TCERG1L: variants seen among roughly 807,000 people sequenced by gnomAD.
The protein encoded by TCERG1L is transcription elongation regulator 1 like, also known as transcription elongation regulator 1-like protein.
Under a neutral mutation model 56.3 loss-of-function variants are expected in TCERG1L, and 37 were observed. The observed-to-expected ratio is 0.66, with a 90% CI of 0.51 to 0.87. TCERG1L has a LOEUF of 0.87. Among genes scored for constraint, TCERG1L ranks in the 40% least tolerant of loss-of-function variants. The pLI, the probability that TCERG1L is intolerant of heterozygous loss-of-function variation, is 0.00. For missense variants in TCERG1L, 799 were observed against 774.2 expected (o/e 1.03, Z -0.38); for synonymous variants, 324 against 326.3 (o/e 0.99, Z 0.08).
intron 4 of TCERG1L, among the ~76,000 whole-genome samples, chr10:131,208,002 G>C (rs544276947): frequency 1.3e-5 from 2 of 152,116 alleles, no homozygotes; most frequent in African/African-American, 2.4e-5. Context: ...CTTCCACAAT[G>C]AGCCAACCCA....
chr10:131,288,144 C>T (rs147415171), intron 3 of TCERG1L, among the ~76,000 whole-genome samples: 46 of 152,310 alleles, frequency 3.0e-4, no homozygotes, highest in African/African-American at 9.4e-4. Flanking sequence ...CACAAGCCTG[C>T]CAGTCTCTGA....
intron 7 of TCERG1L, among the ~76,000 whole-genome samples, chr10:131,143,989 T>C (rs1344796010): frequency 6.6e-6 from 1 of 152,182 alleles, no homozygotes; most frequent in East Asian, 1.9e-4. Context: ...CTGGAGGCGC[T>C]GCCTCCTGTC....
chr10:131,188,627 G>C (rs985420095), intron 4 of TCERG1L, among the ~76,000 whole-genome samples: 2 of 152,100 alleles, frequency 1.3e-5, no homozygotes, highest in African/African-American at 4.8e-5. Flanking sequence ...AAGATGTTTT[G>C]TACAAATTCT....
intron 4 of TCERG1L, among the ~76,000 whole-genome samples, chr10:131,229,972 C>G (rs972796027): frequency 6.6e-6 from 1 of 152,216 alleles, no homozygotes; most frequent in African/African-American, 2.4e-5. Flanking sequence ...GCAGCTTCCC[C>G]TCCGCAGAAG....
chr10:131,220,953 C>T (rs1176901743), intron 4 of TCERG1L, among the ~76,000 whole-genome samples: 1 of 152,174 alleles, frequency 6.6e-6, no homozygotes, highest in African/African-American at 2.4e-5. Flanking sequence ...TGGGCACCTG[C>T]GGTGTGGTCA....
chr10:131,308,163 T>G, intron 3 of TCERG1L, 48 bp downstream of exon 3: 1 of 1,518,124 alleles, frequency 6.6e-7, no homozygotes, highest in Non-Finnish European at 8.9e-7. Context: ...TAATTTATGA[T>G]TGAAGCAAAA....
chr10:131,285,258 A>G (rs1235469140), intron 3 of TCERG1L, among the ~76,000 whole-genome samples: 1 of 151,808 alleles, frequency 6.6e-6, no homozygotes, highest in East Asian at 1.9e-4. Flanking sequence ...CATGCCTGTA[A>G]TCTCAGCTAC....
intron 4 of TCERG1L, among the ~76,000 whole-genome samples, chr10:131,214,575 C>A (rs149161222): frequency 6.6e-6 from 1 of 152,370 alleles, no homozygotes; most frequent in Non-Finnish European, 1.5e-5. Flanking sequence ...CCTTCTCCTG[C>A]GTTTCAGCTG....
intron 7 of TCERG1L, among the ~76,000 whole-genome samples, chr10:131,140,177 A>G (rs553585088): frequency 1.3e-5 from 2 of 152,274 alleles, no homozygotes; most frequent in Non-Finnish European, 2.9e-5. Context: ...CACCCTACGA[A>G]TACAGAGAGG....
rs183600449 is a variant in TCERG1L, at chr10:131,123,470, G to A, written c.1260-6536C>T. Among the ~76,000 whole-genome samples, 93 of 152,294 alleles carry A rather than the reference G, an allele frequency of 6.1e-4. 1 individual carries two copies. The highest frequency in any genetic ancestry group is 2.9e-3 in the South Asian group (14 of 4,812). On this transcript the variant is annotated intron_variant, in intron 8 of 11. Coordinates refer to ENST00000368642, the MANE Select transcript of TCERG1L (RefSeq NM_174937.4). ...CAGCTATACAAAGGCCCTAAGGTAG[G>A]AGCATCTAAGAATGTTCTAGAGACA... is the stretch of plus-strand genomic sequence containing the variant.
intron 3 of TCERG1L, among the ~76,000 whole-genome samples, chr10:131,290,493 T>A (rs1589774380): frequency 6.6e-6 from 1 of 151,998 alleles, no homozygotes; most frequent in East Asian, 1.9e-4. Context: ...TAGCCAGGCG[T>A]GGTGGCGGGT....
rs146599045 is a variant in TCERG1L, at chr10:131,302,185, TGTC to T, written c.670+6023_670+6025del. On this transcript the variant is annotated intron_variant, in intron 3 of 11. Transcript: ENST00000368642. ...TAAACTTTTCCCCATGAACCAAGCT[TGTC>T]TAGTACTGCAGAATGGCCTGAAGCT... Among the ~76,000 whole-genome samples, 1,128 of 152,186 alleles carry T rather than the reference TGTC, an allele frequency of 7.4e-3. 32 individuals carry two copies. Among genetic ancestry groups the T allele is most frequent in the African/African-American group, 0.026 (1,065 of 41,450 alleles).
chr10:131,309,851 A>AAAAAAC (rs1255344021), intron 1 of TCERG1L, among the ~76,000 whole-genome samples: 3 of 150,100 alleles, frequency 2.0e-5, no homozygotes, highest in African/African-American at 7.3e-5. Context: ...AAAAAAAAAA[A>AAAAAAC]AAAAAAAACT....
intron 8 of TCERG1L, among the ~76,000 whole-genome samples, chr10:131,121,148 C>A (rs1194867990): frequency 2.0e-5 from 3 of 152,116 alleles, no homozygotes; most frequent in Non-Finnish European, 4.4e-5. Context: ...AGAACATGAG[C>A]AGGGAAGAGA....
chr10:131,220,302 G>A (rs1036294486), intron 4 of TCERG1L, among the ~76,000 whole-genome samples: 8 of 152,284 alleles, frequency 5.3e-5, no homozygotes, highest in Middle Eastern at 3.4e-3. Flanking sequence ...ACTCACCCCA[G>A]CCCCATCCTC....
At chr10:131,248,854 G>C (rs779223568) in intron 4 of TCERG1L, among the ~76,000 whole-genome samples, 1 of 152,174 alleles carries the variant, frequency 6.6e-6, no homozygotes, top group African/African-American at 2.4e-5. Context: ...ACCGGTGCTC[G>C]CATCCAGTCT....
chr10:131,111,735 G>A lies in TCERG1L; in HGVS notation c.1395+5064C>T, dbSNP rs1010684815. On this transcript the variant is annotated intron_variant, in intron 9 of 11. Coordinates refer to ENST00000368642, the MANE Select transcript of TCERG1L (RefSeq NM_174937.4). The stretch of plus-strand genomic sequence containing the variant: ...TGCGATTAGTTATCTTGGGGCCTGC[G>A]TGGAATTCACTCATGTAAATAATGA... Among the ~76,000 whole-genome samples the A allele has an allele frequency of 6.3e-5, 9 of 143,030 alleles. 2 individuals are homozygous for A. The highest frequency in any genetic ancestry group is 1.7e-4 in the African/African-American group (7 of 40,578). 93.8% of individuals were successfully genotyped at this position (143,030 alleles called of 152,430 possible). A position where few individuals can be genotyped will look rare whatever the true frequency, so the allele number is the denominator to read the frequency against.
chr10:131,237,203 C>T (rs1245490265), intron 4 of TCERG1L, among the ~76,000 whole-genome samples: 1 of 152,086 alleles, frequency 6.6e-6, no homozygotes, highest in Non-Finnish European at 1.5e-5. Context: ...TAGCAAAACC[C>T]CTCACCCTCC....
intron 4 of TCERG1L, among the ~76,000 whole-genome samples, chr10:131,207,372 C>T (rs1465169193): frequency 6.6e-6 from 1 of 152,192 alleles, no homozygotes; most frequent in Non-Finnish European, 1.5e-5. Flanking sequence ...GGCTTTGCTG[C>T]CCAGGAGGGA....
Sources: allele counts gnomAD v4.1 joint callset (sites outside exome capture counted in the v4.1 genomes callset), GRCh38; gene constraint gnomAD v4.1.1; transcripts MANE v1.5; gene names NCBI Gene and HGNC (gene_info 2026-07-23, HGNC 2026-07-21).